Variants in SNX17 observed in about 807,000 individuals in gnomAD.
The protein encoded by SNX17 is sorting nexin 17, also known as sorting nexin-17.
SNX17 carries 35 observed loss-of-function variants against 64.3 expected under a neutral mutation model. The observed-to-expected ratio is 0.54, with a 90% confidence interval of 0.42 to 0.72. The LOEUF is 0.72. Ranked by LOEUF, SNX17 falls within the 30% of genes least tolerant of loss-of-function variation. The probability of loss-of-function intolerance (pLI) is 0.00; values close to 1 mark genes in which losing one functional copy is unlikely to be tolerated. For synonymous variants in SNX17, 259 were observed against 230.2 expected, an observed-to-expected ratio of 1.13 and a Z score of -1.13; for missense variants, 538 against 610.0, an observed-to-expected ratio of 0.88 and a Z score of 1.24.
At position 27,375,004 on chromosome 2, in the gene SNX17, C is replaced by G; in HGVS notation, c.682-57C>G. 1 of 1,511,560 alleles carries G rather than the reference C, an allele frequency of 6.6e-7. No homozygotes were observed. The allele number at this position is 1,511,560 out of a possible 1,614,324, so 93.6% of individuals were successfully genotyped here. ...GGCTGGACAGAGGTAATGGTAGACG[C>G]TTTCCTTGGATTGCTGACTGGGACC... On this transcript the variant is annotated intron_variant, in intron 8 of 14. Coordinates refer to ENST00000233575, the MANE Select transcript of SNX17 (RefSeq NM_014748.4). The surrounding 1 kb of genome is among the most constrained non-coding windows in gnomAD (Gnocchi z 4.1).
In SNX17 at chr2:27,375,784, G is replaced by C; in HGVS notation, c.979-62G>C. The C allele has an allele frequency of 6.2e-7, 1 of 1,609,898 alleles. No homozygotes were observed. The highest frequency in any genetic ancestry group is 8.5e-7 in the Non-Finnish European group (1 of 1,177,702). ...CTTGAGCTTAGGTATGGGCTGCAGC[G>C]GGTCAGGGAGCCAGACAGGTTGGTC... On this transcript the variant is annotated intron_variant, in intron 10 of 14. Coordinates refer to ENST00000233575, the MANE Select transcript of SNX17 (RefSeq NM_014748.4). The surrounding 1 kb of genome is among the most constrained non-coding windows in gnomAD (Gnocchi z 4.1).
chr2:27,372,282 C>T (rs986435617), intron 2 of SNX17, among the ~76,000 whole-genome samples: 9 of 152,236 alleles, frequency 5.9e-5, no homozygotes, highest in Admixed American at 5.9e-4. Context: ...TAGCTATTAA[C>T]TGTGCACTTT....
intron 3 of SNX17, chr2:27,372,986 G>A: frequency 6.8e-7 from 1 of 1,472,816 alleles, no homozygotes; most frequent in Non-Finnish European, 9.3e-7. Flanking sequence ...TCAGTGGAGA[G>A]AACTTAATTT....
In SNX17 at chr2:27,371,252, T is replaced by C; in HGVS notation, c.64-17T>C. On this transcript the variant is annotated splice_polypyrimidine_tract_variant and intron_variant, in intron 1 of 14. Coordinates refer to ENST00000233575, the MANE Select transcript of SNX17 (RefSeq NM_014748.4). ...AGACCGCAACCCTAAAATGCTTGAC[T>C]ACTTTTGTGTCCTCAGGCCTATAAC... 1 of 1,612,596 alleles carries C rather than the reference T, an allele frequency of 6.2e-7. No individual in the cohort carries two copies. Among genetic ancestry groups the C allele is most frequent in the Non-Finnish European group, 8.5e-7 (1 of 1,179,518 alleles).
rs752416762 is a variant in SNX17, at chr2:27,375,544, C to T, written c.813C>T (p.Tyr271=). 3.7e-6 allele frequency: 6 copies of T among 1,614,184 alleles called. No individual in the cohort carries two copies. Among genetic ancestry groups the T allele is most frequent in the Non-Finnish European group, 5.1e-6 (6 of 1,180,042 alleles). The part of the protein sequence containing the change: ...RLAQTLRHYG[Y]LRFDACVADF... ...CCCAGACGCTGCGGCACTATGGCTACTTGCGCTTTGATGCCTGTGTGGCTG... is the reference window on the plus strand; with the variant it reads ...CCCAGACGCTGCGGCACTATGGCTATTTGCGCTTTGATGCCTGTGTGGCTG... Residue 271 remains tyrosine, a synonymous_variant, in exon 10 of 15, where the codon TAC becomes TAT. Transcript: ENST00000233575. The surrounding 1 kb of genome is among the most constrained non-coding windows in gnomAD (Gnocchi z 4.1).
chr2:27,371,549 T>C, intron 2 of SNX17: 1 of 1,109,274 alleles, frequency 9.0e-7, no homozygotes. Context: ...TGCTCCTTCC[T>C]GTTCTTATAT....
chr2:27,375,755 A>T lies in SNX17; in HGVS notation c.978+46A>T. On this transcript the variant is annotated intron_variant, in intron 10 of 14. Transcript: ENST00000233575. The surrounding 1 kb of genome is among the most constrained non-coding windows in gnomAD (Gnocchi z 4.1). Reference sequence around the variant, plus strand: ...GAAGGGCCTGGGTTGGGGGCCCGGCAAGCCTTGAGCTTAGGTATGGGCTGC... The same window carrying T: ...GAAGGGCCTGGGTTGGGGGCCCGGCTAGCCTTGAGCTTAGGTATGGGCTGC... 1.2e-6 allele frequency: 2 copies of T among 1,611,898 alleles called. No homozygotes were observed. The highest frequency in any genetic ancestry group is 1.7e-6 in the Non-Finnish European group (2 of 1,179,084).
intron 3 of SNX17, 137 bp from the exon 4 acceptor site, chr2:27,373,110 T>C: frequency 6.3e-7 from 1 of 1,578,682 alleles, no homozygotes; most frequent in Non-Finnish European, 8.6e-7. Flanking sequence ...AAACAGTGAG[T>C]GAGGTGAGGC....
chr2:27,371,261 G>A lies in SNX17; in HGVS notation c.64-8G>A. The A allele has an allele frequency of 6.2e-7, 1 of 1,613,256 alleles. No individual in the cohort carries two copies. Among genetic ancestry groups the A allele is most frequent in the Middle Eastern group, 1.6e-4 (1 of 6,062 alleles). Reference sequence around the variant, plus strand: ...CCCTAAAATGCTTGACTACTTTTGTGTCCTCAGGCCTATAACATTCACGTG... The same window carrying A: ...CCCTAAAATGCTTGACTACTTTTGTATCCTCAGGCCTATAACATTCACGTG... On this transcript the variant is annotated splice_polypyrimidine_tract_variant and splice_region_variant and intron_variant, in intron 1 of 14. Coordinates refer to ENST00000233575, the MANE Select transcript of SNX17 (RefSeq NM_014748.4).
chr2:27,370,901 T>C, intron 1 of SNX17, 95 bp downstream of exon 1: 1 of 1,386,636 alleles, frequency 7.2e-7, no homozygotes, highest in Non-Finnish European at 9.6e-7. Flanking sequence ...ACCGCCACCC[T>C]TCGGGCCTGG....
At chr2:27,371,547 CCTGTTCTTA>C in intron 2 of SNX17, 1 of 1,128,972 alleles carries the variant, frequency 8.9e-7, no homozygotes. Flanking sequence ...ACTGCTCCTT[CCTGTTCTTA>C]TATTCTGGTT....
At position 27,372,609 on chromosome 2, in the gene SNX17, C is replaced by G. The variant is rs1682749076; in HGVS notation, c.139-14C>G. 4 of 1,614,184 alleles carry G rather than the reference C, an allele frequency of 2.5e-6. No homozygotes were observed. The highest frequency in any genetic ancestry group is 3.4e-6 in the Non-Finnish European group (4 of 1,180,020). ...TGTGTTTATGTGAAGGGTTGTATCT[C>G]TTTCTCTAAATAGCTTCGGAAGGAG... On this transcript the variant is annotated splice_polypyrimidine_tract_variant and intron_variant, in intron 2 of 14. Transcript: ENST00000233575.
chr2:27,371,069 G>T (rs1237129466), intron 1 of SNX17, among the ~76,000 whole-genome samples, 200 bp from the exon 2 acceptor site: 2 of 152,266 alleles, frequency 1.3e-5, no homozygotes, highest in Non-Finnish European at 2.9e-5. Flanking sequence ...CTTGGGCAGT[G>T]AGACTGCAAC....
chr2:27,372,081 A>G (rs1317251349), intron 2 of SNX17, among the ~76,000 whole-genome samples: 2 of 152,068 alleles, frequency 1.3e-5, no homozygotes, highest in African/African-American at 2.4e-5. Flanking sequence ...GAGGGGTTTC[A>G]CTATGTTGGC....
rs754640035 is a variant in SNX17 at position 27,376,357 on chromosome 2, C to G, written c.1227C>G (p.Ser409Arg). The G allele has an allele frequency of 3.7e-6, 6 of 1,613,016 alleles. No individual in the cohort carries two copies. The highest frequency in any genetic ancestry group is 5.1e-6 in the Non-Finnish European group (6 of 1,179,332). ...RVGGTLRRSD[S>R]QQAVKSPPLL... is the part of the protein sequence containing the mutation. Reference sequence around the variant, plus strand: ...GGGGTACTCTGAGACGCTCAGACAGCCAGCAAGCAGTGAAGTCCCCACCAC... The same window carrying G: ...GGGGTACTCTGAGACGCTCAGACAGGCAGCAAGCAGTGAAGTCCCCACCAC... Residue 409 changes from serine to arginine, a missense_variant, in exon 13 of 15, where the codon AGC becomes AGG. Transcript: ENST00000233575.
intron 4 of SNX17, 53 bp downstream of exon 4, chr2:27,373,364 A>G (rs1682832233): frequency 1.3e-6 from 2 of 1,574,586 alleles, no homozygotes; most frequent in Admixed American, 1.7e-5. Context: ...CTGGAAGGTC[A>G]TGTCTTTTAT....
In SNX17 at chr2:27,375,800, C is replaced by T; in HGVS notation, c.979-46C>T. ...GGCTGCAGCGGGTCAGGGAGCCAGACAGGTTGGTCAGAGTGAACTCAACCG... is the reference window on the plus strand; with the variant it reads ...GGCTGCAGCGGGTCAGGGAGCCAGATAGGTTGGTCAGAGTGAACTCAACCG... On this transcript the variant is annotated intron_variant, in intron 10 of 14. Transcript: ENST00000233575. The surrounding 1 kb of genome is among the most constrained non-coding windows in gnomAD (Gnocchi z 4.1). 1.2e-6 allele frequency: 2 copies of T among 1,610,540 alleles called. No homozygotes were observed. The highest frequency in any genetic ancestry group is 8.5e-7 in the Non-Finnish European group (1 of 1,177,994).
At position 27,376,658 on chromosome 2, in the gene SNX17, C is replaced by T. The variant is rs1683278139; in HGVS notation, c.1352C>T (p.Ala451Val). The change falls in exon 15 of 15, where the codon GCC (alanine) becomes GTC (valine). Residue 451 changes from alanine (A) to valine (V), a missense_variant. Transcript: ENST00000233575. ...LRGIGSPSTD[A>V]SASDVHGNFA... is the part of the protein sequence containing the mutation. ...GGAATTGGCAGTCCCAGCACAGATGCCAGTGCCAGTGATGTCCACGGCAAT... is the reference window on the plus strand; with the variant it reads ...GGAATTGGCAGTCCCAGCACAGATGTCAGTGCCAGTGATGTCCACGGCAAT... The T allele has an allele frequency of 1.2e-6, 2 of 1,614,156 alleles. No homozygotes were observed. The highest frequency in any genetic ancestry group is 2.2e-5 in the South Asian group (2 of 91,086).
chr2:27,376,589 C>T lies in SNX17; in HGVS notation c.1300-17C>T. 7 of 1,614,180 alleles carry T rather than the reference C, an allele frequency of 4.3e-6. No homozygotes were observed. Among genetic ancestry groups the T allele is most frequent in the African/African-American group, 1.3e-5 (1 of 75,050 alleles). On this transcript the variant is annotated splice_polypyrimidine_tract_variant and intron_variant, in intron 14 of 14. Coordinates refer to ENST00000233575, the MANE Select transcript of SNX17 (RefSeq NM_014748.4). ...TGCACGCCCAAGATCTCTGACCCCA[C>T]CCTGCCTTTGTTACAGAGTAAGCTG...
Sources: gnomAD v4.1 joint callset for allele counts (sites outside exome capture counted in the v4.1 genomes callset) on GRCh38, gnomAD v4.1.1 for gene constraint, Gnocchi (gnomAD v3.1) non-coding constraint, MANE v1.5 for transcripts, NCBI Gene and HGNC (gene_info 2026-07-23, HGNC 2026-07-21) for gene names.